The following ATP10A variants were observed in gnomAD, a reference collection of about 807,000 sequenced individuals.
ATP10A encodes the protein phospholipid-transporting ATPase VA.
Under a neutral mutation model 147.8 loss-of-function variants are expected in ATP10A, and 111 were observed. The observed-to-expected ratio is 0.75, with a 90% CI of 0.64 to 0.88. The LOEUF is 0.88. Ranked by LOEUF, ATP10A falls within the 40% of genes least tolerant of loss-of-function variation. The pLI is 0.00. For synonymous variants in ATP10A, 875 were observed against 841.6 expected (o/e 1.04, Z -0.69); for missense variants, 1,927 against 1,959.0 (o/e 0.98, Z 0.31).
chr15:25,741,703 C>T (rs1262805585), intron 2 of ATP10A, among the ~76,000 whole-genome samples: 3 of 152,170 alleles, frequency 2.0e-5, no homozygotes, highest in East Asian at 1.9e-4. Flanking sequence ...CAATACTGAA[C>T]GAATGAGTGA....
chr15:25,711,187 A>G (rs1344579753), intron 10 of ATP10A, among the ~76,000 whole-genome samples: 1 of 152,080 alleles, frequency 6.6e-6, no homozygotes, highest in African/African-American at 2.4e-5. Flanking sequence ...TCATACAGTC[A>G]CATCCACTAT....
At chr15:25,749,493 A>G (rs56327689) in intron 2 of ATP10A, among the ~76,000 whole-genome samples, 6,572 of 152,268 alleles carry the variant, frequency 0.043, 196 homozygotes, top group Non-Finnish European at 0.063. Flanking sequence ...ACTCTAGATG[A>G]GCACTTCTTT....
chr15:25,824,513 C>T (rs1372895703), intron 1 of ATP10A, among the ~76,000 whole-genome samples: 7 of 149,206 alleles, frequency 4.7e-5, no homozygotes, highest in African/African-American at 1.7e-4. Flanking sequence ...CATTTCTCAA[C>T]TCATTCCTCT....
chr15:25,692,372 T>C (rs1900084682), intron 14 of ATP10A, among the ~76,000 whole-genome samples: 1 of 152,162 alleles, frequency 6.6e-6, no homozygotes, highest in Non-Finnish European at 1.5e-5. Flanking sequence ...CAGAGCATGG[T>C]CAGATATCTG....
chr15:25,814,514 G>A (rs914978301), intron 1 of ATP10A, among the ~76,000 whole-genome samples: 1 of 152,142 alleles, frequency 6.6e-6, no homozygotes, highest in Non-Finnish European at 1.5e-5. Context: ...AACGTGATTG[G>A]GACTGGAATC....
intron 2 of ATP10A, among the ~76,000 whole-genome samples, chr15:25,745,685 T>C (rs554247092): frequency 1.2e-4 from 19 of 152,322 alleles, no homozygotes; most frequent in Non-Finnish European, 2.4e-4. Context: ...TATTAAATAA[T>C]AATGTCTTTG....
At chr15:25,737,486 T>C (rs1201697832) in intron 2 of ATP10A, among the ~76,000 whole-genome samples, 5 of 152,182 alleles carry the variant, frequency 3.3e-5, no homozygotes, top group African/African-American at 1.2e-4. Flanking sequence ...GGACATTCTG[T>C]CTCTGGGACT....
At chr15:25,860,018 T>C (rs1266706533) in intron 1 of ATP10A, among the ~76,000 whole-genome samples, 1 of 152,134 alleles carries the variant, frequency 6.6e-6, no homozygotes, top group East Asian at 1.9e-4. Flanking sequence ...CCTAGACAGT[T>C]CACAGTCGTG....
At chr15:25,787,098 G>A (rs964562219) in intron 1 of ATP10A, among the ~76,000 whole-genome samples, 8 of 151,974 alleles carry the variant, frequency 5.3e-5, no homozygotes, top group South Asian at 4.2e-4. Flanking sequence ...AACCAAACGC[G>A]CAGAGACTGA....
At position 25,781,255 on chromosome 15, in the gene ATP10A, C is replaced by T. The variant is rs375124272; in HGVS notation, c.450-32G>A. On this transcript the variant is annotated intron_variant, in intron 1 of 20. Coordinates refer to ENST00000555815, the MANE Select transcript of ATP10A (RefSeq NM_024490.4). ...AACAGATTTTGATTAACAAAACTCA[C>T]GAGACATTGGTCGTGGCTGGATCTG... 8.9e-4 allele frequency: 1,405 copies of T among 1,577,288 alleles called. 18 individuals are homozygous for T. The South Asian group carries it at 0.015, about 16-fold the overall frequency.
intron 7 of ATP10A, among the ~76,000 whole-genome samples, chr15:25,720,879 C>A (rs946147686): frequency 3.3e-5 from 5 of 152,218 alleles, no homozygotes; most frequent in African/African-American, 1.2e-4. Flanking sequence ...GCTTCCTAGT[C>A]ATGCCCGCTT....
At chr15:25,805,361 T>A (rs889975382) in intron 1 of ATP10A, among the ~76,000 whole-genome samples, 3 of 152,230 alleles carry the variant, frequency 2.0e-5, no homozygotes, top group Non-Finnish European at 4.4e-5. Flanking sequence ...GATGCTGCCT[T>A]CATTGTTGAA....
intron 15 of ATP10A, among the ~76,000 whole-genome samples, chr15:25,690,834 A>G (rs1420524796): frequency 6.6e-6 from 1 of 152,214 alleles, no homozygotes; most frequent in Non-Finnish European, 1.5e-5. Flanking sequence ...AAAATGTGCG[A>G]GTAACGTAAC....
intron 1 of ATP10A, among the ~76,000 whole-genome samples, chr15:25,856,541 C>G (rs756538896): frequency 2.6e-5 from 4 of 152,174 alleles, no homozygotes; most frequent in Non-Finnish European, 5.9e-5. Context: ...ACTATACAGG[C>G]TGGACCACTG....
rs571308575 is a variant in ATP10A, at chr15:25,695,031, G to A, written c.2876C>T (p.Pro959Leu). 14 of 1,614,054 alleles carry A rather than the reference G, an allele frequency of 8.7e-6. No homozygotes were observed. The highest frequency in any genetic ancestry group is 1.1e-5 in the Non-Finnish European group (13 of 1,180,048). ...GCCAGAGGCAGTGGACGTGGAGGGT[G>A]GGCAGAGAGAGGAGAACCTCATGCT... ...KVSMRFSSLC[P>L]PSTSTASGRR... Residue 959 changes from proline to leucine, a missense_variant, in exon 14 of 21, where the codon CCA becomes CTA. By Grantham distance (98) the Pro-to-Leu change is moderately conservative. Transcript: ENST00000555815.
intron 12 of ATP10A, among the ~76,000 whole-genome samples, chr15:25,706,367 G>A (rs1019871226): frequency 2.0e-5 from 3 of 152,156 alleles, no homozygotes; most frequent in Non-Finnish European, 2.9e-5. Flanking sequence ...TCAGTGCCAG[G>A]CCCTGTGCCT....
intron 3 of ATP10A, among the ~76,000 whole-genome samples, chr15:25,732,212 A>G (rs966439219): frequency 6.6e-6 from 1 of 152,092 alleles, no homozygotes; most frequent in African/African-American, 2.4e-5. Flanking sequence ...TAAAACTACC[A>G]CCACCAGCTA....
At chr15:25,704,022 T>C (rs552139945) in intron 12 of ATP10A, among the ~76,000 whole-genome samples, 161 of 152,338 alleles carry the variant, frequency 1.1e-3, no homozygotes, top group Admixed American at 1.7e-3. Context: ...GTGCTCCCCG[T>C]GAGCACATCC....
At chr15:25,855,541 A>AACACACACACACACACACACAC (rs59597825) in intron 1 of ATP10A, among the ~76,000 whole-genome samples, 4 of 145,992 alleles carry the variant, frequency 2.7e-5, no homozygotes, top group South Asian at 2.3e-4. Context: ...TATTGGTTAA[A>AACACACACACACACACACACAC]ACACACACAC....
Sources: gnomAD v4.1 joint callset for allele counts (sites outside exome capture counted in the v4.1 genomes callset) on GRCh38, gnomAD v4.1.1 for gene constraint, MANE v1.5 for transcripts, NCBI Gene and HGNC (gene_info 2026-07-23, HGNC 2026-07-21) for gene names.